The following NTM variants were observed in gnomAD, a reference collection of about 807,000 sequenced individuals.
The protein encoded by NTM is neurotrimin.
Under a neutral mutation model 42.1 loss-of-function variants are expected in NTM, and 13 were observed. That is an observed-to-expected ratio of 0.31 (90% CI 0.20 to 0.49). The LOEUF is 0.49. NTM is among the 20% of genes least tolerant of loss of function. The probability of loss-of-function intolerance (pLI) is 0.99; values close to 1 mark genes in which losing one functional copy is unlikely to be tolerated. For synonymous variants in NTM, 187 were observed against 179.2 expected, an observed-to-expected ratio of 1.04 and a Z score of -0.35; for missense variants, 373 against 452.8, an observed-to-expected ratio of 0.82 and a Z score of 1.60.
At chr11:131,820,156 C>T (rs1224280111) in intron 1 of NTM, among the ~76,000 whole-genome samples, 2 of 152,200 alleles carry the variant, frequency 1.3e-5, no homozygotes, top group African/African-American at 4.8e-5. Context: ...TCCTTTCAAC[C>T]ACAACAGCCT....
intron 1 of NTM, among the ~76,000 whole-genome samples, chr11:131,764,981 T>G (rs2084878740): frequency 6.6e-6 from 1 of 152,194 alleles, no homozygotes; most frequent in South Asian, 2.1e-4. Context: ...AGGTGAGGCT[T>G]GAGAACCAGG....
chr11:131,794,066 C>G (rs761282383), intron 1 of NTM, among the ~76,000 whole-genome samples: 3 of 152,226 alleles, frequency 2.0e-5, no homozygotes, highest in Non-Finnish European at 4.4e-5. Flanking sequence ...TCACTTCAGA[C>G]TACTGAACTC....
chr11:132,039,415 A>ATT (rs71475786), intron 2 of NTM, among the ~76,000 whole-genome samples: 10,362 of 133,082 alleles, frequency 0.078, 431 homozygotes, highest in South Asian at 0.18. Context: ...GCCCCTCATA[A>ATT]TTTTTTTTTT....
chr11:132,238,034 G>A (rs1011327736), intron 4 of NTM, among the ~76,000 whole-genome samples: 1 of 152,168 alleles, frequency 6.6e-6, no homozygotes, highest in African/African-American at 2.4e-5. Flanking sequence ...GAGACCAATT[G>A]TTTTACAGCA....
chr11:131,929,364 C>A (rs1351625484), intron 2 of NTM, among the ~76,000 whole-genome samples: 3 of 152,080 alleles, frequency 2.0e-5, no homozygotes, highest in Non-Finnish European at 4.4e-5. Flanking sequence ...AAGCCACAGG[C>A]CTTGGTGATG....
chr11:131,651,007 C>A (rs1489585345), intron 1 of NTM, among the ~76,000 whole-genome samples: 1 of 152,082 alleles, frequency 6.6e-6, no homozygotes, highest in African/African-American at 2.4e-5. Context: ...GTTTTTGGTG[C>A]ATGTGGTTTA....
At chr11:132,152,327 A>T (rs962793985) in intron 3 of NTM, among the ~76,000 whole-genome samples, 1 of 152,168 alleles carries the variant, frequency 6.6e-6, no homozygotes, top group Non-Finnish European at 1.5e-5. Context: ...TCATGATCCA[A>T]TTCGAAATAG....
At chr11:132,087,135 T>C (rs1257059268) in intron 2 of NTM, among the ~76,000 whole-genome samples, 4 of 152,038 alleles carry the variant, frequency 2.6e-5, no homozygotes, top group Non-Finnish European at 4.4e-5. Context: ...ACGTCCTTTT[T>C]CCTTCTTCTG....
chr11:131,602,651 A>G (rs745861433), intron 1 of NTM, among the ~76,000 whole-genome samples: 1 of 152,162 alleles, frequency 6.6e-6, no homozygotes, highest in South Asian at 2.1e-4. Flanking sequence ...CTTCAGCCCA[A>G]ACATCTCTGA....
intron 3 of NTM, among the ~76,000 whole-genome samples, chr11:132,160,565 G>A (rs1169414561): frequency 2.0e-5 from 3 of 152,222 alleles, no homozygotes; most frequent in African/African-American, 4.8e-5. Context: ...ACTCACGGTA[G>A]AGCACGAATG....
chr11:132,261,496 G>T (rs962858723), intron 4 of NTM, among the ~76,000 whole-genome samples: 1 of 152,136 alleles, frequency 6.6e-6, no homozygotes, highest in African/African-American at 2.4e-5. Flanking sequence ...GGCATGCACT[G>T]GGAAGAGGAA....
At chr11:132,326,770 C>T (rs572420501) in intron 7 of NTM, among the ~76,000 whole-genome samples, 2 of 152,196 alleles carry the variant, frequency 1.3e-5, no homozygotes, top group African/African-American at 2.4e-5. Context: ...CACCTGGGCT[C>T]ATTTACTGCA....
intron 1 of NTM, among the ~76,000 whole-genome samples, chr11:131,739,712 G>C (rs1285215534): frequency 6.6e-6 from 1 of 152,192 alleles, no homozygotes; most frequent in African/African-American, 2.4e-5. Flanking sequence ...GACTCTCCTA[G>C]GGAGGGCAGT....
At chr11:131,827,383 G>A (rs1037551011) in intron 1 of NTM, among the ~76,000 whole-genome samples, 1 of 152,118 alleles carries the variant, frequency 6.6e-6, no homozygotes, top group Non-Finnish European at 1.5e-5. Context: ...AGGCCAGTGG[G>A]GACAACTGTG....
At chr11:131,377,770 C>T (rs1942158947) in intron 1 of NTM, among the ~76,000 whole-genome samples, 2 of 152,194 alleles carry the variant, frequency 1.3e-5, no homozygotes, top group African/African-American at 4.8e-5. Flanking sequence ...CAAAGCTGCT[C>T]TGGCACTCAC....
intron 1 of NTM, among the ~76,000 whole-genome samples, chr11:131,845,917 A>C: frequency 6.6e-6 from 1 of 152,134 alleles, no homozygotes; most frequent in East Asian, 1.9e-4. Context: ...TAGATAAATA[A>C]GTGATCTGTG....
intron 1 of NTM, among the ~76,000 whole-genome samples, chr11:131,618,964 T>A (rs1310283490): frequency 6.6e-6 from 1 of 152,122 alleles, no homozygotes; most frequent in Admixed American, 6.5e-5. Flanking sequence ...GTAGAGTGAT[T>A]AGGTAGGACA....
At chr11:132,021,822 G>A (rs1451218397) in intron 2 of NTM, among the ~76,000 whole-genome samples, 1 of 152,188 alleles carries the variant, frequency 6.6e-6, no homozygotes, top group East Asian at 1.9e-4. Flanking sequence ...TCAAAGTGCG[G>A]ACCATTTCCA....
intron 1 of NTM, chr11:131,534,293 A>G (rs548407845): frequency 6.6e-6 from 1 of 152,228 alleles, no homozygotes; most frequent in African/African-American, 2.4e-5. Context: ...AGTTTGAAAC[A>G]TGGGTGAAGT....
Sources: gnomAD v4.1 joint callset for allele counts (sites outside exome capture counted in the v4.1 genomes callset) on GRCh38, gnomAD v4.1.1 for gene constraint, MANE v1.5 for transcripts, NCBI Gene and HGNC (gene_info 2026-07-23, HGNC 2026-07-21) for gene names.